The following CAST variants were observed in gnomAD, a reference collection of about 807,000 sequenced individuals.
CAST encodes the protein calpastatin, also known as MIR583 host.
CAST carries 76 observed loss-of-function variants against 119.6 expected under a neutral mutation model. That is an observed-to-expected ratio of 0.64 (90% CI 0.53 to 0.77). CAST has a LOEUF of 0.77. Ranked by LOEUF, CAST falls within the 30% of genes least tolerant of loss-of-function variation. The pLI, the probability that CAST is intolerant of heterozygous loss-of-function variation, is 0.00. For synonymous variants in CAST, 319 were observed against 331.6 expected (o/e 0.96, Z 0.41); for missense variants, 953 against 946.5 (o/e 1.01, Z -0.09).
In CAST at chr5:96,773,246, A is replaced by AG. The variant is rs1028607455; in HGVS notation, c.*631dup. The AG allele has an allele frequency of 6.5e-6, 1 of 153,572 alleles. No individual in the cohort carries two copies. Among genetic ancestry groups the AG allele is most frequent in the Admixed American group, 6.5e-5 (1 of 15,274 alleles). The allele number at this position is 153,572 out of a possible 1,614,324, so 9.5% of individuals were successfully genotyped here. A position where few individuals can be genotyped will look rare whatever the true frequency, so the allele number is the denominator to read the frequency against. ...ACCAGGAAGCACCAAACCCCTTTTC[A>AG]GTTTGAACTCTTCTTTGCCAGGTGT... On this transcript the variant is annotated 3_prime_UTR_variant, in exon 32 of 32. Transcript: ENST00000675179.
the CAST span, among the ~76,000 whole-genome samples, chr5:96,479,938 G>C: frequency 6.6e-6 from 1 of 152,196 alleles, no homozygotes; most frequent in African/African-American, 2.4e-5. Flanking sequence ...GATCCTCTAA[G>C]TTGAGGGAAA....
the CAST span, among the ~76,000 whole-genome samples, chr5:96,462,905 G>A: frequency 6.6e-6 from 1 of 152,086 alleles, no homozygotes; most frequent in African/African-American, 2.4e-5. Flanking sequence ...TTGTGAAGAA[G>A]GTCCTTGCTT....
chr5:96,471,786 G>GTGTGTTTGTGTGTGTGTGTGTGTGTGTT, the CAST span, among the ~76,000 whole-genome samples: 28 of 149,534 alleles, frequency 1.9e-4, no homozygotes, highest in African/African-American at 6.0e-4. Flanking sequence ...GTGTGTGTGT[G>GTGTGTTTGTGTGTGTGTGTGTGTGTGTT]TGTGTGTGTG....
the CAST span, chr5:96,398,989 G>T: frequency 1.2e-6 from 2 of 1,612,298 alleles, no homozygotes; most frequent in Non-Finnish European, 1.7e-6. Flanking sequence ...TCCTTCACAA[G>T]CTCTTGTTGG....
At chr5:96,440,448 G>A in the CAST span, among the ~76,000 whole-genome samples, 3 of 152,170 alleles carry the variant, frequency 2.0e-5, no homozygotes, top group Non-Finnish European at 4.4e-5. Context: ...CAAGCCCAGT[G>A]GGTGCCCCAA....
At chr5:96,235,046 T>C in the CAST span, among the ~76,000 whole-genome samples, 3 of 152,198 alleles carry the variant, frequency 2.0e-5, no homozygotes, top group South Asian at 4.2e-4. Flanking sequence ...ATGGAAAAAA[T>C]AGATTTTTGA....
Position 96,754,047 on chromosome 5 carries a change from A to G in CAST, c.1525-13A>G, listed in dbSNP as rs2150599021. ...TAACCACCTACTTAATATATCCACTAATGCACTTTCAGAAGGGCACAGTGC... is the reference window on the plus strand; with the variant it reads ...TAACCACCTACTTAATATATCCACTGATGCACTTTCAGAAGGGCACAGTGC... On this transcript the variant is annotated splice_polypyrimidine_tract_variant and intron_variant, in intron 20 of 31. Transcript: ENST00000675179. 4 of 1,532,358 alleles carry G rather than the reference A, an allele frequency of 2.6e-6. No homozygotes were observed. The East Asian group carries it at 6.7e-5, about 26-fold the overall frequency. The allele number at this position is 1,532,358 out of a possible 1,614,324, so 94.9% of individuals were successfully genotyped here.
chr5:96,262,942 C>G, the CAST span, among the ~76,000 whole-genome samples: 1 of 152,148 alleles, frequency 6.6e-6, no homozygotes. Context: ...CTCAAGATGC[C>G]CACAGTTTAC....
chr5:96,384,005 G>A, the CAST span, among the ~76,000 whole-genome samples: 1 of 152,112 alleles, frequency 6.6e-6, no homozygotes, highest in Non-Finnish European at 1.5e-5. Context: ...GGGGTCTGAA[G>A]CTCATGGAAC....
At chr5:96,546,188 C>T (rs966339268) in intron 1 of CAST, 2 of 152,118 alleles carry the variant, frequency 1.3e-5, no homozygotes, top group African/African-American at 4.8e-5. Context: ...AATGTGCAGA[C>T]CCATCCATAA....
chr5:96,426,406 G>T, the CAST span, among the ~76,000 whole-genome samples: 1 of 152,144 alleles, frequency 6.6e-6, no homozygotes, highest in Non-Finnish European at 1.5e-5. Flanking sequence ...ATTTTATAAA[G>T]TAAGAATGGT....
intron 1 of CAST, among the ~76,000 whole-genome samples, chr5:96,672,705 T>TAAA (rs1580911222): frequency 3.1e-5 from 1 of 32,424 alleles, no homozygotes; most frequent in African/African-American, 2.4e-4. Flanking sequence ...AGACTCAGTC[T>TAAA]CAAAAAAAAA....
At chr5:96,751,165 G>A (rs1336045940) in intron 20 of CAST, among the ~76,000 whole-genome samples, 4 of 152,036 alleles carry the variant, frequency 2.6e-5, no homozygotes, top group Admixed American at 2.0e-4. Flanking sequence ...TTCACATGAA[G>A]TATGATATTT....
At chr5:96,025,580 G>A in the CAST span, among the ~76,000 whole-genome samples, 1 of 152,158 alleles carries the variant, frequency 6.6e-6, no homozygotes, top group African/African-American at 2.4e-5. Flanking sequence ...AAAATGGTGA[G>A]TCAAACACTC....
the CAST span, among the ~76,000 whole-genome samples, chr5:96,124,847 C>T: frequency 3.3e-5 from 5 of 152,098 alleles, no homozygotes; most frequent in African/African-American, 1.2e-4. Context: ...GCAACTATTG[C>T]ACAATAATTT....
chr5:96,511,289 C>T, the CAST span, among the ~76,000 whole-genome samples: 1 of 152,076 alleles, frequency 6.6e-6, no homozygotes, highest in African/African-American at 2.4e-5. Flanking sequence ...GGACTACAGG[C>T]GCCCGCCACC....
In CAST at chr5:96,767,425, C is replaced by T. The variant is rs2150743542; in HGVS notation, c.2131-13C>T. The T allele has an allele frequency of 6.2e-7, 1 of 1,608,566 alleles. No individual in the cohort carries two copies. Among genetic ancestry groups the T allele is most frequent in the East Asian group, 2.2e-5 (1 of 44,770 alleles). ...ATATCTATGCTTAACCAATAGTCTG[C>T]CTTCTTTTTAAGGACAAACCAGTGA... On this transcript the variant is annotated splice_polypyrimidine_tract_variant and intron_variant, in intron 27 of 31. Coordinates refer to ENST00000675179, the MANE Select transcript of CAST (RefSeq NM_001750.7).
intron 31 of CAST, chr5:96,772,377 A>C (rs1772738734): frequency 6.5e-6 from 1 of 152,904 alleles, no homozygotes; most frequent in Non-Finnish European, 1.5e-5. Context: ...AAAAGAAATC[A>C]AAGTATAGGT....
At chr5:96,222,189 A>C in the CAST span, among the ~76,000 whole-genome samples, 1 of 152,144 alleles carries the variant, frequency 6.6e-6, no homozygotes, top group African/African-American at 2.4e-5. Context: ...ACTTCAGGAC[A>C]TATGGTCTAG....
Sources: allele counts gnomAD v4.1 joint callset (sites outside exome capture counted in the v4.1 genomes callset), GRCh38; gene constraint gnomAD v4.1.1; transcripts MANE v1.5; gene names NCBI Gene and HGNC (gene_info 2026-07-23, HGNC 2026-07-21).